Variants in RBM20 observed in about 807,000 individuals in gnomAD.
The protein encoded by RBM20 is RNA binding motif protein 20, also known as RNA-binding protein 20.
Under a neutral mutation model 110.1 loss-of-function variants are expected in RBM20, and 51 were observed. That is an observed-to-expected ratio of 0.46 (90% CI 0.37 to 0.59). RBM20 has a LOEUF of 0.59. Among genes scored for constraint, RBM20 ranks in the 20% least tolerant of loss-of-function variants. The pLI is 0.00. For missense variants in RBM20, 1,512 were observed against 1,574.9 expected (o/e 0.96, Z 0.68); for synonymous variants, 589 against 618.2 (o/e 0.95, Z 0.70).
intron 1 of RBM20, among the ~76,000 whole-genome samples, chr10:110,673,427 G>T (rs186248623): frequency 4.6e-5 from 7 of 152,226 alleles, no homozygotes; most frequent in African/African-American, 1.7e-4. Context: ...GGCCAGGCTG[G>T]TCTCAAACTC....
chr10:110,768,211 T>G (rs1590665809), intron 1 of RBM20, among the ~76,000 whole-genome samples: 1 of 149,248 alleles, frequency 6.7e-6, no homozygotes, highest in African/African-American at 2.5e-5. Flanking sequence ...GCATCAGAGG[T>G]AGACCGTGGA....
At chr10:110,786,879 G>A (rs1844425669) in intron 5 of RBM20, among the ~76,000 whole-genome samples, 1 of 152,218 alleles carries the variant, frequency 6.6e-6, no homozygotes, top group African/African-American at 2.4e-5. Context: ...CCAACCTGGG[G>A]TCTGGGTACG....
intron 1 of RBM20, among the ~76,000 whole-genome samples, chr10:110,662,671 A>G (rs1862121867): frequency 6.6e-6 from 1 of 152,240 alleles, no homozygotes; most frequent in Admixed American, 6.5e-5. Flanking sequence ...ATCTATCCCA[A>G]GATACACACA....
chr10:110,755,966 G>A (rs1033593157), intron 1 of RBM20, among the ~76,000 whole-genome samples: 2 of 152,236 alleles, frequency 1.3e-5, no homozygotes, highest in South Asian at 4.1e-4. Context: ...GATTCAGGCT[G>A]TGGAGACAGC....
In RBM20 at chr10:110,665,597, G is replaced by A. The variant is rs544854476; in HGVS notation, c.191+20952G>A. Among the ~76,000 whole-genome samples, 6 of 152,124 alleles carry A rather than the reference G, an allele frequency of 3.9e-5. No individual in the cohort carries two copies. In the East Asian group the frequency reaches 9.6e-4, roughly 24 times the overall value. On this transcript the variant is annotated intron_variant, in intron 1 of 13. Coordinates refer to ENST00000369519, the MANE Select transcript of RBM20 (RefSeq NM_001134363.3). Reference sequence around the variant, plus strand: ...CAGCAAAATGTAGTATATAATTCTTGTTTGGGTCCTAGCTCAAAACAAATC... The same window carrying A: ...CAGCAAAATGTAGTATATAATTCTTATTTGGGTCCTAGCTCAAAACAAATC...
intron 11 of RBM20, 31 bp downstream of exon 11, chr10:110,821,966 CG>C: frequency 1.3e-6 from 2 of 1,546,182 alleles, no homozygotes; most frequent in Non-Finnish European, 1.8e-6. Flanking sequence ...CACGGGTGGT[CG>C]GGTTGATTGG....
At chr10:110,830,120 G>C (rs7922732) in intron 12 of RBM20, among the ~76,000 whole-genome samples, 2,726 of 152,166 alleles carry the variant, frequency 0.018, 31 homozygotes, top group South Asian at 0.047. Context: ...GACTCTCCCC[G>C]GGTCACATGG....
chr10:110,742,404 AGGACTT>A (rs1374536727), intron 1 of RBM20, among the ~76,000 whole-genome samples: 1 of 152,124 alleles, frequency 6.6e-6, no homozygotes, highest in Non-Finnish European at 1.5e-5. Context: ...AAGAAGACAC[AGGACTT>A]GGACTTGGAC....
chr10:110,797,413 T>G, intron 5 of RBM20, 95 bp from the exon 6 acceptor site: 2 of 1,214,826 alleles, frequency 1.6e-6, no homozygotes, highest in Non-Finnish European at 2.2e-6. Context: ...TTTACAATCA[T>G]TGTTTAGGGG....
chr10:110,685,877 A>C (rs1170702920), intron 1 of RBM20, among the ~76,000 whole-genome samples: 1 of 152,226 alleles, frequency 6.6e-6, no homozygotes, highest in Admixed American at 6.5e-5. Flanking sequence ...CTTTTACATA[A>C]TGCAGGATCT....
intron 1 of RBM20, among the ~76,000 whole-genome samples, chr10:110,680,962 A>G (rs1469282476): frequency 6.6e-6 from 1 of 151,578 alleles, no homozygotes; most frequent in Non-Finnish European, 1.5e-5. Context: ...CTCTCTCTGT[A>G]TTTTTGCGTA....
intron 1 of RBM20, among the ~76,000 whole-genome samples, chr10:110,731,367 C>A (rs1306127937): frequency 6.6e-6 from 1 of 152,128 alleles, no homozygotes; most frequent in Non-Finnish European, 1.5e-5. Flanking sequence ...CCTTGGTAAA[C>A]AATAAAAGAA....
chr10:110,674,076 C>T (rs12220209), intron 1 of RBM20, among the ~76,000 whole-genome samples: 50,097 of 151,932 alleles, frequency 0.33, 8,919 homozygotes, highest in East Asian at 0.66. Context: ...AACTTGCTGC[C>T]TGAAGAGAGA....
intron 7 of RBM20, among the ~76,000 whole-genome samples, chr10:110,800,472 C>T (rs928373764): frequency 2.8e-4 from 43 of 152,114 alleles, no homozygotes; most frequent in African/African-American, 1.0e-3. Context: ...CTTTTCTTTC[C>T]TTCTTTTTTG....
intron 6 of RBM20, 119 bp downstream of exon 6, chr10:110,797,767 C>G: frequency 9.4e-7 from 1 of 1,068,332 alleles, no homozygotes; most frequent in South Asian, 1.6e-5. Context: ...CGTAGCTGGC[C>G]TTCTGTTGGC....
intron 1 of RBM20, among the ~76,000 whole-genome samples, chr10:110,685,837 T>C (rs182760525): frequency 6.6e-6 from 1 of 152,280 alleles, no homozygotes; most frequent in East Asian, 1.9e-4. Flanking sequence ...AAATTGAAAC[T>C]AACACACTGA....
chr10:110,668,485 C>A (rs572070667), intron 1 of RBM20, among the ~76,000 whole-genome samples: 6 of 152,260 alleles, frequency 3.9e-5, no homozygotes, highest in Non-Finnish European at 7.4e-5. Flanking sequence ...AATTTAGAAG[C>A]AGCGACTTGG....
intron 5 of RBM20, among the ~76,000 whole-genome samples, chr10:110,788,577 G>T (rs929417349): frequency 4.6e-5 from 7 of 152,188 alleles, no homozygotes; most frequent in Admixed American, 6.5e-5. Context: ...TCTGTCAGAC[G>T]CTGGTCCCCC....
At chr10:110,819,617 TCTGA>T (rs1844882847) in intron 9 of RBM20, among the ~76,000 whole-genome samples, 1 of 152,208 alleles carries the variant, frequency 6.6e-6, no homozygotes, top group African/African-American at 2.4e-5. Context: ...GTGAGGGCAC[TCTGA>T]CTGTGCCCTT....
Sources: gnomAD v4.1 joint callset for allele counts (sites outside exome capture counted in the v4.1 genomes callset) on GRCh38, gnomAD v4.1.1 for gene constraint, MANE v1.5 for transcripts, NCBI Gene and HGNC (gene_info 2026-07-23, HGNC 2026-07-21) for gene names.